The following WDR26 variants were observed in gnomAD, a reference collection of about 807,000 sequenced individuals.
The protein encoded by WDR26 is WD repeat domain 26, also known as WD repeat-containing protein 26.
In WDR26, 5 loss-of-function variants were observed where a neutral mutation model predicts 84.1. That is an observed-to-expected ratio of 0.06 (90% CI 0.03 to 0.13). The LOEUF (loss-of-function observed/expected upper bound fraction) is 0.13, where lower values mean the gene tolerates loss of function less well. WDR26 is among the 10% of genes least tolerant of loss of function. The pLI is 1.00. For synonymous variants in WDR26, 415 were observed against 389.6 expected, an observed-to-expected ratio of 1.07 and a Z score of -0.77; for missense variants, 642 against 974.9, an observed-to-expected ratio of 0.66 and a Z score of 4.55.
At chr1:224,423,964 A>G (rs2102918898) in intron 4 of WDR26, among the ~76,000 whole-genome samples, 1 of 152,160 alleles carries the variant, frequency 6.6e-6, no homozygotes, top group Middle Eastern at 3.4e-3. Flanking sequence ...AGGTACAGTG[A>G]CTCATGCCTG....
chr1:224,430,732 C>T (rs1158282572), intron 3 of WDR26: 1 of 152,212 alleles, frequency 6.6e-6, no homozygotes, highest in South Asian at 2.1e-4. Context: ...CAGCTAGCAG[C>T]TGATTCTTCA....
Position 224,433,798 on chromosome 1 carries a change from G to C in WDR26, c.608C>G (p.Ser203Cys). The change falls in exon 1 of 14, where the codon TCT (serine) becomes TGT (cysteine). Residue 203 changes from serine to cysteine, a missense_variant. Coordinates refer to ENST00000414423, the MANE Select transcript of WDR26 (RefSeq NM_001379403.1). ...GCCCAGTTCTGGGGTGGCCAAGGAA[G>C]AGGAGGCGGCGGTGGTGGCGGAGGC... is the stretch of plus-strand genomic sequence containing the variant. 1 of 1,536,994 alleles carries C rather than the reference G, an allele frequency of 6.5e-7. No individual in the cohort carries two copies. The highest frequency in any genetic ancestry group is 2.4e-5 in the East Asian group (1 of 40,904).
At position 224,400,904 on chromosome 1, in the gene WDR26, T is replaced by TGC. The variant is rs758746747; in HGVS notation, c.1719+44_1719+45dup. ...GAAATTGTTTAAACAAAAGTACATT[T>TGC]GCTTTTAAACCAACAGATACTGGGA... On this transcript the variant is annotated intron_variant, in intron 9 of 13. Transcript: ENST00000414423. The TGC allele has an allele frequency of 2.5e-6, 4 of 1,598,130 alleles. No homozygotes were observed. In the Admixed American group the frequency reaches 7.1e-5, roughly 28 times the overall value.
Position 224,434,751 on chromosome 1 carries a change from C to G in WDR26, c.-346G>C, listed in dbSNP as rs1240619721. 1.0e-5 allele frequency: 10 copies of G among 987,068 alleles called. No individual in the cohort carries two copies. In the Admixed American group the frequency reaches 1.8e-4, roughly 18 times the overall value. The allele number at this position is 987,068 out of a possible 1,614,324, so 61.1% of individuals were successfully genotyped here. On this transcript the variant is annotated 5_prime_UTR_variant, in exon 1 of 14. Coordinates refer to ENST00000414423, the MANE Select transcript of WDR26 (RefSeq NM_001379403.1). ...GCCGCCTCTGTCCTCGGATCCGCTC[C>G]GCTCTGCTCCCTGGTGTGTTGATTC...
chr1:224,413,225 A>T (rs1673789759), intron 6 of WDR26: 1 of 949,402 alleles, frequency 1.1e-6, no homozygotes, highest in Non-Finnish European at 1.3e-6. Flanking sequence ...CCCCAAAAAA[A>T]ACGTTATTTA....
intron 3 of WDR26, chr1:224,431,067 T>G (rs1028344790): frequency 1.9e-5 from 3 of 153,982 alleles, no homozygotes; most frequent in Non-Finnish European, 4.3e-5. Flanking sequence ...TCCCAAAGAT[T>G]AAAAAAAAAG....
intron 6 of WDR26, chr1:224,413,274 C>T (rs1350478340): frequency 1.4e-5 from 17 of 1,221,020 alleles, no homozygotes; most frequent in African/African-American, 3.2e-5. Flanking sequence ...TCTTGAAACA[C>T]GGTCTTCCTT....
chr1:224,415,981 C>A (rs879068983), intron 6 of WDR26, among the ~76,000 whole-genome samples: 1 of 152,106 alleles, frequency 6.6e-6, no homozygotes, highest in Non-Finnish European at 1.5e-5. Flanking sequence ...GTTAGCTACA[C>A]AGGTCCTAAT....
chr1:224,420,546 CCT>C (rs369162033), intron 4 of WDR26, among the ~76,000 whole-genome samples: 80 of 152,148 alleles, frequency 5.3e-4, no homozygotes, highest in African/African-American at 1.9e-3. Context: ...ACCTGCTATA[CCT>C]CTCAGTTAAC....
rs545936985 is a variant in WDR26, at chr1:224,414,984, G to T, written c.1319+3276C>A. On this transcript the variant is annotated intron_variant, in intron 6 of 13. Coordinates refer to ENST00000414423, the MANE Select transcript of WDR26 (RefSeq NM_001379403.1). ...ATTGCACCACTGCACTCCAACTTGG[G>T]CTACAGGGCAAGATCATGTGTTGAA... is the stretch of plus-strand genomic sequence containing the variant. Among the ~76,000 whole-genome samples the T allele has an allele frequency of 4.6e-5, 7 of 152,280 alleles. No homozygotes were observed. The South Asian group carries it at 1.5e-3, about 32-fold the overall frequency.
chr1:224,403,454 T>C (rs1416599384), intron 8 of WDR26, among the ~76,000 whole-genome samples: 5 of 152,252 alleles, frequency 3.3e-5, no homozygotes, highest in Non-Finnish European at 2.9e-5. Flanking sequence ...TGTCCTATTT[T>C]GACTTTTCTT....
At chr1:224,414,427 T>G (rs756219106) in intron 6 of WDR26, among the ~76,000 whole-genome samples, 21 of 152,166 alleles carry the variant, frequency 1.4e-4, no homozygotes, top group Admixed American at 2.6e-4. Flanking sequence ...TACAATCTAA[T>G]AAACCTTTTC....
chr1:224,419,999 T>C (rs2102914559), intron 4 of WDR26, among the ~76,000 whole-genome samples: 1 of 152,332 alleles, frequency 6.6e-6, no homozygotes, highest in African/African-American at 2.4e-5. Flanking sequence ...GTAACTGGCC[T>C]AGGGTTAAGA....
At chr1:224,428,433 A>C (rs1160335623) in intron 3 of WDR26, among the ~76,000 whole-genome samples, 1 of 152,202 alleles carries the variant, frequency 6.6e-6, no homozygotes, top group Admixed American at 6.5e-5. Context: ...CTCCTATTTG[A>C]CTTTAAAATA....
intron 3 of WDR26, chr1:224,429,602 A>C (rs563077750): frequency 1.3e-5 from 2 of 152,356 alleles, no homozygotes; most frequent in Admixed American, 6.5e-5. Flanking sequence ...TTGATTCATC[A>C]ATGCTTAAAG....
chr1:224,403,346 G>A (rs916255887), intron 8 of WDR26, among the ~76,000 whole-genome samples: 9 of 151,962 alleles, frequency 5.9e-5, no homozygotes, highest in East Asian at 1.9e-4. Flanking sequence ...CACCGCGCCC[G>A]GCCACAAATG....
intron 8 of WDR26, among the ~76,000 whole-genome samples, chr1:224,401,695 A>AT (rs5781367): frequency 9.6e-6 from 1 of 104,100 alleles, no homozygotes; most frequent in Admixed American, 1.1e-4. Context: ...AAAAAGAAAA[A>AT]AAAAAAGAAA....
Position 224,385,173 on chromosome 1 carries a change from TGAAA to T in WDR26, c.*4658_*4661del, listed in dbSNP as rs1332563325. ...TAGGTATTCATTCTGTTTATTGGAT[TGAAA>T]GAAAGGGAATACAAACGACTGGTTA... On this transcript the variant is annotated 3_prime_UTR_variant, in exon 14 of 14. Coordinates refer to ENST00000414423, the MANE Select transcript of WDR26 (RefSeq NM_001379403.1). 4 of 152,266 alleles carry T rather than the reference TGAAA, an allele frequency of 2.6e-5. No homozygotes were observed. The highest frequency in any genetic ancestry group is 7.2e-5 in the African/African-American group (3 of 41,552). 9.4% of individuals were successfully genotyped at this position (152,266 alleles called of 1,614,324 possible). A position where few individuals can be genotyped will look rare whatever the true frequency, so the allele number is the denominator to read the frequency against.
At position 224,433,919 on chromosome 1, in the gene WDR26, C is replaced by T. The variant is rs1458392384; in HGVS notation, c.487G>A (p.Ala163Thr). 2 of 1,536,140 alleles carry T rather than the reference C, an allele frequency of 1.3e-6. No homozygotes were observed. Among genetic ancestry groups the T allele is most frequent in the African/African-American group, 2.7e-5 (2 of 73,004 alleles). Residue 163 changes from alanine (A) to threonine (T), a missense_variant, in exon 1 of 14, where the codon GCC becomes ACC. Physicochemically the swap from Ala to Thr is moderately conservative, Grantham distance 58. Around this residue, in one of 2 missense-constraint regions of WDR26, gnomAD observed 291 missense variants for 302.1 expected, o/e 0.96. Transcript: ENST00000414423. ...CTATTGTTGCTGGCGGCGGAGGGGGCGGAAGGCAGGAGCCCATTGGCGTGG... is the reference window on the plus strand; with the variant it reads ...CTATTGTTGCTGGCGGCGGAGGGGGTGGAAGGCAGGAGCCCATTGGCGTGG...
Sources: gnomAD v4.1 joint callset for allele counts (sites outside exome capture counted in the v4.1 genomes callset) on GRCh38, gnomAD v4.1.1 for gene constraint, gnomAD v4.1.1 regional missense constraint, MANE v1.5 for transcripts, NCBI Gene and HGNC (gene_info 2026-07-23, HGNC 2026-07-21) for gene names.